Variants in COL6A3 observed in about 807,000 individuals in gnomAD.
The protein encoded by COL6A3 is collagen alpha-3(VI) chain.
Under a neutral mutation model 274.1 loss-of-function variants are expected in COL6A3, and 137 were observed. That is an observed-to-expected ratio of 0.50 (90% confidence interval 0.44 to 0.58). The LOEUF is 0.58. Ranked by LOEUF, COL6A3 falls within the 20% of genes least tolerant of loss-of-function variation. The pLI is 0.00. For synonymous variants in COL6A3, 1,650 were observed against 1,650.6 expected, an observed-to-expected ratio of 1.00 and a Z score of 0.01; for missense variants, 3,950 against 4,124.9, an observed-to-expected ratio of 0.96 and a Z score of 1.16.
Position 237,374,614 on chromosome 2 carries a change from C to A in COL6A3, c.3477G>T (p.Gly1159=), listed in dbSNP as rs776286184. ...CGATGCCAATGCCAATGGGCACAGC[C>A]CCACCCCTCTTCACGACCACGGAGG... is the stretch of plus-strand genomic sequence containing the variant. ...RNPSVVVKRG[G]AVPIGIGIGN... is the part of the protein sequence containing the mutation. Residue 1159 remains glycine (G), a synonymous_variant, in exon 8 of 44, where the codon GGG becomes GGT. Coordinates refer to ENST00000295550, the MANE Select transcript of COL6A3 (RefSeq NM_004369.4). The surrounding 1 kb of genome is among the most constrained non-coding windows in gnomAD (Gnocchi z 4.8). 3.7e-6 allele frequency: 6 copies of A among 1,614,184 alleles called. No homozygotes were observed.
chr2:237,325,113 C>T (rs1014561409), intron 43 of COL6A3, among the ~76,000 whole-genome samples: 1 of 152,158 alleles, frequency 6.6e-6, no homozygotes, highest in South Asian at 2.1e-4. Flanking sequence ...TGACCCCAGG[C>T]TCTGTTCAAA....
chr2:237,362,263 C>T (rs941742483), intron 14 of COL6A3, among the ~76,000 whole-genome samples: 9 of 152,132 alleles, frequency 5.9e-5, no homozygotes, highest in African/African-American at 2.2e-4. Context: ...TCCTTGGAAC[C>T]AGGGTGAGAG....
rs961201120 is a variant in COL6A3, at chr2:237,407,693, A to C, written c.-31+6260T>G. 1.3e-5 allele frequency among the ~76,000 whole-genome samples: 2 copies of C among 152,258 alleles called. No homozygotes were observed. Among genetic ancestry groups the C allele is most frequent in the African/African-American group, 4.8e-5 (2 of 41,472 alleles). On this transcript the variant is annotated intron_variant, in intron 1 of 43. Coordinates refer to ENST00000295550, the MANE Select transcript of COL6A3 (RefSeq NM_004369.4). The surrounding 1 kb of genome is among the most constrained non-coding windows in gnomAD (Gnocchi z 4.3). ...CCTAGCATTGCAGATAATAACCATG[A>C]GGCAGAAAGTTCCATATCTGGTGTG...
rs575412915 is a variant in COL6A3, at chr2:237,378,830, C to G, written c.2303G>C (p.Arg768Pro). The G allele has an allele frequency of 5.0e-6, 8 of 1,614,230 alleles. No homozygotes were observed. The highest frequency in any genetic ancestry group is 6.8e-6 in the Non-Finnish European group (8 of 1,180,040). The change falls in exon 6 of 44, where the codon CGC (arginine) becomes CCC (proline). Residue 768 changes from arginine (R) to proline (P), a missense_variant. Arg to Pro is a moderately radical substitution (Grantham distance 103, BLOSUM62 -2). Around this residue, in one of 5 missense-constraint regions of COL6A3, gnomAD observed 1,934 missense variants for 1,984.3 expected, o/e 0.97. Transcript: ENST00000295550. ...SYLQAANALT[R>P]AGILTFCVGA... ...CACACAAAAAGTCAGGATGCCCGCG[C>G]GTGTCAAGGCGTTGGCAGCTTGCAA...
At chr2:237,398,898 A>T (rs2078519191) in intron 1 of COL6A3, among the ~76,000 whole-genome samples, 1 of 152,210 alleles carries the variant, frequency 6.6e-6, no homozygotes, top group African/African-American at 2.4e-5. Flanking sequence ...GTGCCATGTT[A>T]TCAAAAGTTA....
In COL6A3 at chr2:237,413,580, C is replaced by CA. The variant is rs904798305; in HGVS notation, c.-31+372dup. On this transcript the variant is annotated intron_variant, in intron 1 of 43. Transcript: ENST00000295550. The surrounding 1 kb of genome is among the most constrained non-coding windows in gnomAD (Gnocchi z 4.0). ...CCCGGCAGGGAGCTATGCTAGTCCT[C>CA]AGCAAAGACGCTTCTGCAAACAAAG... is the stretch of plus-strand genomic sequence containing the variant. 6.6e-6 allele frequency among the ~76,000 whole-genome samples: 1 copy of CA among 152,156 alleles called. No homozygotes were observed. Among genetic ancestry groups the CA allele is most frequent in the Admixed American group, 6.6e-5 (1 of 15,266 alleles).
intron 3 of COL6A3, among the ~76,000 whole-genome samples, chr2:237,391,918 A>G (rs4663740): frequency 0.012 from 1,850 of 152,262 alleles, 66 homozygotes; most frequent in Admixed American, 0.06. Context: ...AGTGCAGTTC[A>G]TTGTAGATAC....
intron 2 of COL6A3, among the ~76,000 whole-genome samples, chr2:237,395,447 G>T (rs1014143896): frequency 2.0e-5 from 3 of 152,162 alleles, no homozygotes; most frequent in Non-Finnish European, 4.4e-5. Context: ...TCATGAATGG[G>T]CCAGTAGCAT....
rs58082340 is a variant in COL6A3, at chr2:237,332,070, C to CATATATATATATATAT, written c.9328+1364_9328+1379dup. Among the ~76,000 whole-genome samples the CATATATATATATATAT allele has an allele frequency of 1.1e-3, 38 of 35,170 alleles. 1 individual carries two copies. The highest frequency in any genetic ancestry group is 3.2e-3 in the East Asian group (2 of 630). 23.1% of individuals were successfully genotyped at this position (35,170 alleles called of 152,430 possible). A position where few individuals can be genotyped will look rare whatever the true frequency, so the allele number is the denominator to read the frequency against. ...CCCCCCATCTCTCTCTCTCTCTCTA[C>CATATATATATATATAT]ATATATATATATATATATATATATA... On this transcript the variant is annotated intron_variant, in intron 42 of 43. Coordinates refer to ENST00000295550, the MANE Select transcript of COL6A3 (RefSeq NM_004369.4).
At position 237,374,622 on chromosome 2, in the gene COL6A3, T is replaced by C; in HGVS notation, c.3469A>G (p.Arg1157Gly). The C allele has an allele frequency of 6.2e-7, 1 of 1,614,076 alleles. No individual in the cohort carries two copies. Reference protein sequence around the residue: ...DVRNPSVVVKRGGAVPIGIGI... With the variant: ...DVRNPSVVVKGGGAVPIGIGI... ...ATGCCAATGGGCACAGCCCCACCCC[T>C]CTTCACGACCACGGAGGGGTTCCGC... Residue 1157 changes from arginine (R) to glycine (G), a missense_variant, in exon 8 of 44, where the codon AGG becomes GGG. By Grantham distance (125) the Arg-to-Gly change is moderately radical. Around this residue, in one of 5 missense-constraint regions of COL6A3, gnomAD observed 1,934 missense variants for 1,984.3 expected, o/e 0.97. Coordinates refer to ENST00000295550, the MANE Select transcript of COL6A3 (RefSeq NM_004369.4). The surrounding 1 kb of genome is among the most constrained non-coding windows in gnomAD (Gnocchi z 4.8).
Position 237,350,184 on chromosome 2 carries a change from TTTG to T in COL6A3, c.6839_6841del (p.Pro2280_Lys2281delinsGln). The stretch of plus-strand genomic sequence containing the variant: ...AGGGCCCCGGTTCCCGATTCCTCCT[TTTG>T]GTCCTGGCTCTCCGGGCTCACCCTA... On this transcript the variant is annotated inframe_deletion, in exon 28 of 44. Coordinates refer to ENST00000295550, the MANE Select transcript of COL6A3 (RefSeq NM_004369.4). 6.2e-7 allele frequency: 1 copy of T among 1,614,132 alleles called. No individual in the cohort carries two copies. Among genetic ancestry groups the T allele is most frequent in the Non-Finnish European group, 8.5e-7 (1 of 1,180,002 alleles).
rs2077785777 is a variant in COL6A3 at position 237,374,682 on chromosome 2, T to A, written c.3409A>T (p.Ile1137Phe). 2 of 1,613,670 alleles carry A rather than the reference T, an allele frequency of 1.2e-6. No homozygotes were observed. The highest frequency in any genetic ancestry group is 1.7e-6 in the Non-Finnish European group (2 of 1,179,800). Residue 1137 changes from isoleucine to phenylalanine, a missense_variant, in exon 8 of 44, where the codon ATC becomes TTC. Ile to Phe is a conservative substitution (Grantham distance 21, BLOSUM62 0). Coordinates refer to ENST00000295550, the MANE Select transcript of COL6A3 (RefSeq NM_004369.4). The surrounding 1 kb of genome is among the most constrained non-coding windows in gnomAD (Gnocchi z 4.8). ...CCAGACCTGTCGGCCGTGAGGACGA[T>A]CAGCAGCTGGGGCACACCTTCTGTT... ...RITEGVPQLL[I>F]VLTADRSGDD...
chr2:237,411,536 G>A (rs375813726), intron 1 of COL6A3, among the ~76,000 whole-genome samples: 9 of 152,266 alleles, frequency 5.9e-5, no homozygotes, highest in African/African-American at 1.7e-4. Flanking sequence ...TATGGGTTCC[G>A]TTCCTGAAAC....
At chr2:237,391,199 G>A (rs117963722) in intron 3 of COL6A3, among the ~76,000 whole-genome samples, 1 of 151,480 alleles carries the variant, frequency 6.6e-6, no homozygotes, top group Non-Finnish European at 1.5e-5. Flanking sequence ...GCAGCGGGAC[G>A]TGGTACTAGG....
chr2:237,390,978 A>T (rs959479343), intron 3 of COL6A3, among the ~76,000 whole-genome samples: 2 of 152,206 alleles, frequency 1.3e-5, no homozygotes, highest in African/African-American at 4.8e-5. Context: ...CATTGACAAC[A>T]GTGGTGATCG....
At chr2:237,347,935 G>T in intron 30 of COL6A3, 66 bp from the exon 31 acceptor site, 2 of 1,453,388 alleles carry the variant, frequency 1.4e-6, no homozygotes, top group South Asian at 1.2e-5. Flanking sequence ...AGGGTCCGTG[G>T]GGTAAGACAT....
intron 12 of COL6A3, 78 bp downstream of exon 12, chr2:237,365,620 T>TG (rs1328151667): frequency 1.8e-5 from 23 of 1,278,100 alleles, no homozygotes; most frequent in Non-Finnish European, 2.4e-5. Flanking sequence ...GGATTTAACT[T>TG]GGGGGAAGGG....
chr2:237,392,311 C>G (rs1486093934), intron 3 of COL6A3, among the ~76,000 whole-genome samples: 3 of 152,234 alleles, frequency 2.0e-5, no homozygotes, highest in Admixed American at 6.5e-5. Context: ...CTCTTCAGCT[C>G]CTGCTTTCTG....
chr2:237,333,572 C>T, intron 41 of COL6A3, 24 bp from the exon 42 acceptor site: 8 of 1,595,424 alleles, frequency 5.0e-6, no homozygotes, highest in Non-Finnish European at 6.9e-6. Flanking sequence ...ATATATGCAA[C>T]TCGTAGGTAA....
Sources: allele counts gnomAD v4.1 joint callset (sites outside exome capture counted in the v4.1 genomes callset), GRCh38; gene constraint gnomAD v4.1.1; regional missense constraint gnomAD v4.1.1; non-coding constraint Gnocchi (gnomAD v3.1); transcripts MANE v1.5; gene names NCBI Gene and HGNC (gene_info 2026-07-23, HGNC 2026-07-21).